Variants in CCSER1 observed in about 807,000 individuals in gnomAD.
CCSER1 encodes serine-rich coiled-coil domain-containing protein 1.
A neutral mutation model predicts 82.0 loss-of-function variants in CCSER1; 41 were observed. The ratio of observed to expected loss-of-function variants is 0.50; its 90% CI spans 0.39 to 0.65. CCSER1 has a LOEUF of 0.65. Among genes scored for constraint, CCSER1 ranks in the 30% least tolerant of loss-of-function variants. CCSER1 has a pLI of 0.00. For synonymous variants in CCSER1, 414 were observed against 383.9 expected (o/e 1.08, Z -0.92); for missense variants, 1,119 against 1,064.2 (o/e 1.05, Z -0.72).
At chr4:90,621,937 G>C (rs1722397688) in intron 5 of CCSER1, among the ~76,000 whole-genome samples, 1 of 152,172 alleles carries the variant, frequency 6.6e-6, no homozygotes, top group African/African-American at 2.4e-5. Context: ...TCAATACCCT[G>C]ACACTACCAC....
At chr4:91,269,054 T>A (rs938789531) in intron 10 of CCSER1, among the ~76,000 whole-genome samples, 1 of 152,152 alleles carries the variant, frequency 6.6e-6, no homozygotes, top group African/African-American at 2.4e-5. Flanking sequence ...GGGTAAAAAA[T>A]TGTAGTCTAT....
chr4:91,535,926 C>A (rs1023365946), intron 10 of CCSER1, among the ~76,000 whole-genome samples: 1 of 152,068 alleles, frequency 6.6e-6, no homozygotes, highest in Non-Finnish European at 1.5e-5. Context: ...ACCTCCTTAA[C>A]CTTGGCCTTT....
chr4:91,234,596 A>G (rs773881898), intron 10 of CCSER1, among the ~76,000 whole-genome samples: 1 of 152,138 alleles, frequency 6.6e-6, no homozygotes, highest in Non-Finnish European at 1.5e-5. Flanking sequence ...ATGAGACTAT[A>G]CAGTTTTGTA....
rs183924617 is a variant in CCSER1, at chr4:91,069,499, A to G, written c.2173-16451A>G. ...CAGTTCATTTAATTAATATTAGTTT[A>G]GTATCTACTAAGTGCCAGACACTGT... On this transcript the variant is annotated intron_variant, in intron 9 of 10. Coordinates refer to ENST00000509176, the MANE Select transcript of CCSER1 (RefSeq NM_001145065.2). 3.8e-3 allele frequency among the ~76,000 whole-genome samples: 582 copies of G among 152,294 alleles called. 2 individuals carry two copies. Among genetic ancestry groups the G allele is most frequent in the Non-Finnish European group, 5.8e-3 (393 of 68,016 alleles).
chr4:90,319,373 T>C (rs1263785664), intron 3 of CCSER1, among the ~76,000 whole-genome samples: 5 of 152,120 alleles, frequency 3.3e-5, no homozygotes, highest in African/African-American at 9.7e-5. Context: ...CAAGACAGCC[T>C]GGGTGCAGTG....
At chr4:91,292,937 G>T (rs1172682464) in intron 10 of CCSER1, among the ~76,000 whole-genome samples, 1 of 151,916 alleles carries the variant, frequency 6.6e-6, no homozygotes, top group Non-Finnish European at 1.5e-5. Flanking sequence ...TCTACAGAGA[G>T]AATATAAGGC....
intron 10 of CCSER1, among the ~76,000 whole-genome samples, chr4:91,202,114 G>A (rs1735945254): frequency 6.6e-6 from 1 of 151,366 alleles, no homozygotes; most frequent in Admixed American, 6.6e-5. Flanking sequence ...AATCTTTATA[G>A]GTGCCTACTT....
At chr4:91,020,178 GTACT>G (rs1213067674) in intron 9 of CCSER1, among the ~76,000 whole-genome samples, 3 of 152,116 alleles carry the variant, frequency 2.0e-5, no homozygotes, top group Admixed American at 6.5e-5. Context: ...AATTTTTTCT[GTACT>G]TAGAGTTCAA....
chr4:91,474,743 GCA>G (rs10538837), intron 10 of CCSER1, among the ~76,000 whole-genome samples: 80,917 of 138,028 alleles, frequency 0.59, 23,580 homozygotes, highest in East Asian at 0.81. Context: ...ATACATACAT[GCA>G]CACACACACA....
chr4:91,149,296 G>T (rs1266951458), intron 10 of CCSER1, among the ~76,000 whole-genome samples: 1 of 152,166 alleles, frequency 6.6e-6, no homozygotes, highest in Admixed American at 6.5e-5. Flanking sequence ...AGAAGTGTCT[G>T]TTCATATCCT....
At chr4:91,164,534 T>C (rs1731815443) in intron 10 of CCSER1, among the ~76,000 whole-genome samples, 1 of 152,206 alleles carries the variant, frequency 6.6e-6, no homozygotes. Context: ...TTTTTCAACT[T>C]GGTTCCATTC....
chr4:91,485,936 A>G (rs1015177403), intron 10 of CCSER1, among the ~76,000 whole-genome samples: 1 of 152,144 alleles, frequency 6.6e-6, no homozygotes, highest in Non-Finnish European at 1.5e-5. Flanking sequence ...TTAAATGATG[A>G]AATGAAGGTC....
intron 9 of CCSER1, among the ~76,000 whole-genome samples, chr4:91,004,951 T>C (rs1738372582): frequency 6.6e-6 from 1 of 152,216 alleles, no homozygotes. Flanking sequence ...CTGTTCTGAT[T>C]AGCACAAGGG....
chr4:90,802,843 G>A (rs1012549149), intron 7 of CCSER1, among the ~76,000 whole-genome samples: 8 of 151,834 alleles, frequency 5.3e-5, no homozygotes, highest in African/African-American at 7.3e-5. Flanking sequence ...ATTACACATC[G>A]TTGTGTTTTC....
At chr4:90,548,508 G>C (rs928355462) in intron 5 of CCSER1, among the ~76,000 whole-genome samples, 1 of 152,000 alleles carries the variant, frequency 6.6e-6, no homozygotes, top group Non-Finnish European at 1.5e-5. Flanking sequence ...TCATGACTCC[G>C]AGGGTGGCTA....
At chr4:90,729,719 C>T (rs1002382861) in intron 7 of CCSER1, among the ~76,000 whole-genome samples, 5 of 151,676 alleles carry the variant, frequency 3.3e-5, no homozygotes, top group Non-Finnish European at 7.4e-5. Context: ...ACTAAAAATA[C>T]AAAAAAATTA....
At chr4:91,098,101 A>G (rs530693099) in intron 10 of CCSER1, among the ~76,000 whole-genome samples, 2 of 152,340 alleles carry the variant, frequency 1.3e-5, no homozygotes, top group African/African-American at 4.8e-5. Flanking sequence ...TTTTATATTT[A>G]CATTCATTAA....
chr4:91,559,075 CAT>C (rs1442315752), intron 10 of CCSER1, among the ~76,000 whole-genome samples: 1 of 151,386 alleles, frequency 6.6e-6, no homozygotes, highest in African/African-American at 2.4e-5. Flanking sequence ...GTTTACCTTA[CAT>C]ATGTCTAGTT....
chr4:91,124,753 A>G (rs1283915577), intron 10 of CCSER1, among the ~76,000 whole-genome samples: 4 of 151,900 alleles, frequency 2.6e-5, no homozygotes, highest in South Asian at 2.1e-4. Context: ...GTGTGAAAGG[A>G]TGAATGAATA....
Sources: gnomAD v4.1 joint callset for allele counts (sites outside exome capture counted in the v4.1 genomes callset) on GRCh38, gnomAD v4.1.1 for gene constraint, MANE v1.5 for transcripts, NCBI Gene and HGNC (gene_info 2026-07-23, HGNC 2026-07-21) for gene names.